USP9X: variants seen among roughly 807,000 people sequenced by gnomAD.
USP9X encodes the protein ubiquitin specific peptidase 9 X-linked.
USP9X carries 7 observed loss-of-function variants against 190.3 expected under a neutral mutation model. The ratio of observed to expected loss-of-function variants is 0.04; its 90% CI spans 0.02 to 0.07. USP9X has a LOEUF of 0.07. Ranked by LOEUF, USP9X falls within the 10% of genes least tolerant of loss-of-function variation. The pLI is 1.00. For synonymous variants in USP9X, 645 were observed against 659.5 expected (o/e 0.98, Z 0.34); for missense variants, 1,010 against 1,916.9 (o/e 0.53, Z 8.83).
rs758508803 is a variant in USP9X, at chrX:41,192,700, T to C, written c.3977+3225T>C. Among the ~76,000 whole-genome samples, 9 of 111,702 alleles carry C rather than the reference T, an allele frequency of 8.1e-5. No individual in the cohort carries two copies. In the East Asian group the frequency reaches 2.5e-3, roughly 31 times the overall value. ...TGGTGTAGGCAGTCTCATGTATATG[T>C]TTGGTAAATATTGATCAAATACCTA... On this transcript the variant is annotated intron_variant, in intron 26 of 44. Coordinates refer to ENST00000378308, the MANE Select transcript of USP9X (RefSeq NM_001039591.3).
intron 6 of USP9X, among the ~76,000 whole-genome samples, chrX:41,140,432 ACAG>A (rs2062412717): frequency 8.9e-6 from 1 of 111,830 alleles, no homozygotes; most frequent in Non-Finnish European, 1.9e-5. Context: ...ATTGGTACAG[ACAG>A]ACAGAACTAT....
chrX:41,144,242 T>A, intron 10 of USP9X, among the ~76,000 whole-genome samples: 1 of 95,186 alleles, frequency 1.1e-5, no homozygotes, highest in African/African-American at 4.0e-5. Context: ...TTTTTTGAGA[T>A]GGAGTTTTGT....
Position 41,150,955 on chromosome X carries a change from G to A in USP9X, c.1661G>A (p.Arg554His). The A allele has an allele frequency of 8.3e-7, 1 of 1,207,088 alleles. No individual in the cohort carries two copies. The highest frequency in any genetic ancestry group is 2.2e-5 in the Admixed American group (1 of 45,787). ...RDTQKIQWID[R>H]FIEELRTNDK... ...ACACAAAAGATCCAATGGATAGATC[G>A]CTTTATAGAAGAACTTCGCACAAAT... Residue 554 changes from arginine to histidine, a missense_variant, in exon 13 of 45, where the codon CGC (arginine) becomes CAC (histidine). Coordinates refer to ENST00000378308, the MANE Select transcript of USP9X (RefSeq NM_001039591.3).
chrX:41,137,163 G>C, intron 6 of USP9X, 141 bp downstream of exon 6: 1 of 561,307 alleles, frequency 1.8e-6, no homozygotes, highest in Non-Finnish European at 2.8e-6. Flanking sequence ...CTTTTTCGTA[G>C]CTTTGTCGTT....
At position 41,134,755 on chromosome X, in the gene USP9X, G is replaced by A; in HGVS notation, c.353G>A (p.Arg118Gln). The change falls in exon 5 of 45, where the codon CGA becomes CAA. Residue 118 changes from arginine to glutamine, a missense_variant. By Grantham distance (43) the Arg-to-Gln change is conservative. This residue lies in a region of USP9X where 176 missense variants were observed against 247.5 expected (regional missense o/e 0.71). Coordinates refer to ENST00000378308, the MANE Select transcript of USP9X (RefSeq NM_001039591.3). ...GLDVKSEACQ[R>Q]FFRDGLTISF... ...GATGTTAAAAGTGAAGCATGTCAGC[G>A]ATTTTTCCGTGATGGGCTAACAATA... The A allele has an allele frequency of 1.7e-6, 2 of 1,208,511 alleles. No individual in the cohort carries two copies. Among genetic ancestry groups the A allele is most frequent in the Non-Finnish European group, 2.2e-6 (2 of 893,669 alleles).
intron 1 of USP9X, among the ~76,000 whole-genome samples, chrX:41,119,147 T>C (rs776952052): frequency 1.5e-4 from 17 of 111,786 alleles, no homozygotes; most frequent in Admixed American, 2.9e-4. Context: ...GATTAAGACC[T>C]TCTGGCTTAA....
intron 6 of USP9X, among the ~76,000 whole-genome samples, chrX:41,139,274 A>G (rs1158468895): frequency 8.9e-6 from 1 of 111,758 alleles, no homozygotes; most frequent in African/African-American, 3.3e-5. Context: ...GCCTTTCATG[A>G]CTAAAAAGGT....
chrX:41,106,975 C>T (rs779947282), intron 1 of USP9X, among the ~76,000 whole-genome samples: 69 of 104,170 alleles, frequency 6.6e-4, no homozygotes, highest in African/African-American at 2.3e-3. Context: ...CAACCTCTGC[C>T]GCCTGGGTTC....
At chrX:41,090,081 T>TC (rs1478328792) in intron 1 of USP9X, among the ~76,000 whole-genome samples, 1 of 107,175 alleles carries the variant, frequency 9.3e-6, no homozygotes, top group Non-Finnish European at 1.9e-5. Flanking sequence ...GTATTTTTTT[T>TC]CTCTTTTATA....
In USP9X at chrX:41,232,371, T is replaced by C. The variant is rs778420199; in HGVS notation, c.7528-16T>C. ...TGTGAAAAGTTTTAACATACAGATCTTTTCTCCTTTCCCAGAATAACCATG... is the reference window on the plus strand; with the variant it reads ...TGTGAAAAGTTTTAACATACAGATCCTTTCTCCTTTCCCAGAATAACCATG... On this transcript the variant is annotated splice_polypyrimidine_tract_variant and intron_variant, in intron 44 of 44. Coordinates refer to ENST00000378308, the MANE Select transcript of USP9X (RefSeq NM_001039591.3). The C allele has an allele frequency of 8.3e-7, 1 of 1,201,998 alleles. No homozygotes were observed. The highest frequency in any genetic ancestry group is 1.8e-5 in the South Asian group (1 of 55,149).
At chrX:41,199,372 A>G (rs925416354) in intron 30 of USP9X, among the ~76,000 whole-genome samples, 2 of 112,073 alleles carry the variant, frequency 1.8e-5, no homozygotes, top group African/African-American at 6.5e-5. Flanking sequence ...AGGTAGCCAA[A>G]GTAAATGCCG....
At chrX:41,165,139 GC>G (rs764638746) in intron 15 of USP9X, among the ~76,000 whole-genome samples, 2 of 105,040 alleles carry the variant, frequency 1.9e-5, no homozygotes, top group South Asian at 8.9e-4. Flanking sequence ...TTTCAATGAT[GC>G]CATATAAGCA....
At chrX:41,140,820 T>C (rs369318384) in intron 7 of USP9X, 49 bp downstream of exon 7, 2 of 1,110,631 alleles carry the variant, frequency 1.8e-6, no homozygotes, top group Admixed American at 3.2e-5. Flanking sequence ...GAATTGCTGG[T>C]TTTTGCTTCA....
chrX:41,207,903 T>G (rs1192481686), intron 32 of USP9X, among the ~76,000 whole-genome samples: 1 of 110,842 alleles, frequency 9.0e-6, no homozygotes, highest in Non-Finnish European at 1.9e-5. Flanking sequence ...CATACCATTC[T>G]CCCTCCTCTC....
chrX:41,126,689 A>C (rs1426903990), intron 2 of USP9X, among the ~76,000 whole-genome samples: 1 of 111,719 alleles, frequency 9.0e-6, no homozygotes, highest in Non-Finnish European at 1.9e-5. Flanking sequence ...CAAAGGAATG[A>C]AACAAATTAC....
rs758452044 is a variant in USP9X at position 41,232,854 on chromosome X, A to G, written c.*330A>G. 1.6e-5 allele frequency: 2 copies of G among 125,342 alleles called. No homozygotes were observed. Among genetic ancestry groups the G allele is most frequent in the Admixed American group, 8.6e-5 (1 of 11,633 alleles). 10.3% of individuals were successfully genotyped at this position (125,342 alleles called of 1,213,427 possible). On this transcript the variant is annotated 3_prime_UTR_variant, in exon 45 of 45. Transcript: ENST00000378308. ...AGATCTACACAAACTACAAAAGTTA[A>G]TTTTCTTGTTACACCCACTGCACTC...
intron 14 of USP9X, among the ~76,000 whole-genome samples, chrX:41,161,836 G>C (rs1270407926): frequency 9.4e-6 from 1 of 106,257 alleles, no homozygotes; most frequent in Non-Finnish European, 1.9e-5. Context: ...CTACTGCCTG[G>C]GTTGGGCTTC....
intron 14 of USP9X, among the ~76,000 whole-genome samples, chrX:41,154,709 C>G (rs2062561107): frequency 9.0e-6 from 1 of 111,645 alleles, no homozygotes; most frequent in Admixed American, 9.5e-5. Context: ...AAACATGACC[C>G]AAACATATTA....
intron 1 of USP9X, among the ~76,000 whole-genome samples, chrX:41,112,826 T>C (rs767143610): frequency 8.9e-6 from 1 of 112,818 alleles, no homozygotes; most frequent in East Asian, 2.8e-4. Context: ...CTAAAAATAT[T>C]AGAGTCAAGA....
Sources: allele counts gnomAD v4.1 joint callset (sites outside exome capture counted in the v4.1 genomes callset), GRCh38; gene constraint gnomAD v4.1.1; regional missense constraint gnomAD v4.1.1; transcripts MANE v1.5; gene names NCBI Gene and HGNC (gene_info 2026-07-23, HGNC 2026-07-21).